NKAIN2: variants seen among roughly 807,000 people sequenced by gnomAD.
NKAIN2 encodes the protein sodium/potassium-transporting ATPase subunit beta-1-interacting protein 2.
Under a neutral mutation model 32.6 loss-of-function variants are expected in NKAIN2, and 14 were observed. The observed-to-expected ratio is 0.43, with a 90% confidence interval of 0.28 to 0.67. The LOEUF is 0.67. NKAIN2 is among the 30% of genes least tolerant of loss of function. The probability of loss-of-function intolerance (pLI) is 0.17; values close to 1 mark genes in which losing one functional copy is unlikely to be tolerated. For missense variants in NKAIN2, 198 were observed against 258.3 expected (o/e 0.77, Z 1.60); for synonymous variants, 80 against 87.2 (o/e 0.92, Z 0.46).
intron 1 of NKAIN2, among the ~76,000 whole-genome samples, chr6:124,156,575 A>T (rs556993303): frequency 6.6e-6 from 1 of 152,308 alleles, no homozygotes; most frequent in African/African-American, 2.4e-5. Context: ...ATAGAGTGGG[A>T]GGATCATCAC....
chr6:124,150,269 G>T (rs1276703969), intron 1 of NKAIN2, among the ~76,000 whole-genome samples: 1 of 151,924 alleles, frequency 6.6e-6, no homozygotes, highest in Non-Finnish European at 1.5e-5. Flanking sequence ...CAAGTTTCCA[G>T]TTATATTTGT....
chr6:124,251,312 A>T (rs917952293), intron 1 of NKAIN2, among the ~76,000 whole-genome samples: 3 of 152,030 alleles, frequency 2.0e-5, no homozygotes, highest in Non-Finnish European at 4.4e-5. Flanking sequence ...AATACATACC[A>T]TGTAAATTTT....
intron 3 of NKAIN2, among the ~76,000 whole-genome samples, chr6:124,479,844 A>G (rs1405591671): frequency 1.3e-5 from 2 of 152,174 alleles, no homozygotes; most frequent in Non-Finnish European, 2.9e-5. Context: ...AAAGAAAAAC[A>G]AACAATAACA....
At chr6:124,420,355 C>G (rs1024788428) in intron 3 of NKAIN2, among the ~76,000 whole-genome samples, 20 of 151,972 alleles carry the variant, frequency 1.3e-4, no homozygotes, top group Non-Finnish European at 2.5e-4. Context: ...ATTTACTTTT[C>G]AAATGAAAAT....
chr6:123,918,069 A>G (rs2114481478), intron 1 of NKAIN2, among the ~76,000 whole-genome samples: 1 of 152,152 alleles, frequency 6.6e-6, no homozygotes, highest in South Asian at 2.1e-4. Context: ...AATACTATCC[A>G]TGCTCTTGAG....
chr6:124,232,558 A>G (rs1452722644), intron 1 of NKAIN2, among the ~76,000 whole-genome samples: 3 of 152,224 alleles, frequency 2.0e-5, no homozygotes, highest in Non-Finnish European at 4.4e-5. Context: ...ACAGAGGCAC[A>G]ATGCAAAAGA....
intron 1 of NKAIN2, among the ~76,000 whole-genome samples, chr6:124,225,275 C>T (rs1792047610): frequency 6.6e-6 from 1 of 151,942 alleles, no homozygotes; most frequent in Non-Finnish European, 1.5e-5. Flanking sequence ...AAAATTGTAG[C>T]AAAATTAAAT....
intron 1 of NKAIN2, among the ~76,000 whole-genome samples, chr6:123,983,331 A>T (rs4406249): frequency 0.38 from 58,147 of 151,778 alleles, 11,523 homozygotes; most frequent in Admixed American, 0.48. Flanking sequence ...AGGGGATAAG[A>T]CTCGGTCAGA....
intron 1 of NKAIN2, among the ~76,000 whole-genome samples, chr6:124,127,821 T>A (rs933828467): frequency 6.6e-6 from 1 of 151,982 alleles, no homozygotes; most frequent in East Asian, 1.9e-4. Context: ...AGGAGGTCGA[T>A]GGTTGCTATT....
intron 2 of NKAIN2, among the ~76,000 whole-genome samples, chr6:124,339,812 A>G (rs1562498783): frequency 6.6e-6 from 1 of 152,112 alleles, no homozygotes; most frequent in Non-Finnish European, 1.5e-5. Context: ...CCAGCCTACT[A>G]TTGTGCGTGT....
chr6:124,709,747 G>A (rs1274262784), intron 4 of NKAIN2, among the ~76,000 whole-genome samples: 1 of 151,326 alleles, frequency 6.6e-6, no homozygotes, highest in East Asian at 1.9e-4. Context: ...ATTGCCAGCA[G>A]TCTATCAATT....
chr6:124,283,863 GGAAAT>G (rs1328654750), intron 2 of NKAIN2, among the ~76,000 whole-genome samples: 1 of 151,862 alleles, frequency 6.6e-6, no homozygotes. Flanking sequence ...TTTTGACAAA[GGAAAT>G]GTCTATAGGC....
chr6:124,800,339 G>A (rs1562390473), intron 5 of NKAIN2, among the ~76,000 whole-genome samples: 1 of 152,168 alleles, frequency 6.6e-6, no homozygotes, highest in Non-Finnish European at 1.5e-5. Context: ...TCTGAGCAAA[G>A]CAGCCTACAC....
chr6:124,802,524 C>T (rs921853550), intron 5 of NKAIN2, among the ~76,000 whole-genome samples: 8 of 152,214 alleles, frequency 5.3e-5, no homozygotes, highest in Admixed American at 1.3e-4. Context: ...ATCTTCATTA[C>T]ATGCTTCTCT....
intron 1 of NKAIN2, among the ~76,000 whole-genome samples, chr6:124,205,478 CAT>C (rs1436741709): frequency 6.6e-6 from 1 of 151,678 alleles, no homozygotes; most frequent in East Asian, 1.9e-4. Context: ...TACCTGAACA[CAT>C]GTTTATCTCT....
At chr6:123,930,393 G>A (rs947040588) in intron 1 of NKAIN2, among the ~76,000 whole-genome samples, 4 of 152,044 alleles carry the variant, frequency 2.6e-5, no homozygotes, top group Non-Finnish European at 5.9e-5. Flanking sequence ...ACTAACAGTA[G>A]CATTGGTGAT....
chr6:124,582,082 T>G (rs187634669), intron 3 of NKAIN2, among the ~76,000 whole-genome samples: 2,181 of 147,446 alleles, frequency 0.015, 21 homozygotes, highest in African/African-American at 0.029. Context: ...GAAAAGTTGG[T>G]TTTTTTTTTG....
intron 4 of NKAIN2, among the ~76,000 whole-genome samples, chr6:124,703,183 A>G (rs982705752): frequency 8.6e-5 from 13 of 152,042 alleles, no homozygotes; most frequent in African/African-American, 3.1e-4. Flanking sequence ...GAACAAACCA[A>G]TGATCCTTCA....
At chr6:124,120,513 C>T (rs112875565) in intron 1 of NKAIN2, among the ~76,000 whole-genome samples, 47 of 152,044 alleles carry the variant, frequency 3.1e-4, no homozygotes, top group African/African-American at 1.1e-3. Flanking sequence ...TTGTCTTATC[C>T]CTCTTCCATA....
Sources: gnomAD v4.1 joint callset for allele counts (sites outside exome capture counted in the v4.1 genomes callset) on GRCh38, gnomAD v4.1.1 for gene constraint, MANE v1.5 for transcripts, NCBI Gene and HGNC (gene_info 2026-07-23, HGNC 2026-07-21) for gene names.